PAGE2B: variants seen among roughly 807,000 people sequenced by gnomAD.
PAGE2B encodes putative G antigen family E member 3.
Under a neutral mutation model 7.6 loss-of-function variants are expected in PAGE2B, and 5 were observed. The observed-to-expected ratio is 0.66, with a 90% confidence interval of 0.34 to 1.38. The LOEUF (loss-of-function observed/expected upper bound fraction) is 1.38. PAGE2B is among the 40% of genes most tolerant of loss of function. PAGE2B has a pLI of 0.04. For synonymous variants in PAGE2B, 29 were observed against 26.7 expected (o/e 1.09, Z -0.27); for missense variants, 70 against 78.4 (o/e 0.89, Z 0.41).
At chrX:55,053,875 G>T in the PAGE2B span, among the ~76,000 whole-genome samples, 4 of 112,088 alleles carry the variant, frequency 3.6e-5, no homozygotes, top group African/African-American at 1.3e-4. Flanking sequence ...AACCCAAATT[G>T]ACTAAATGGG....
chrX:55,043,297 G>A, the PAGE2B span, among the ~76,000 whole-genome samples: 2 of 111,772 alleles, frequency 1.8e-5, no homozygotes, highest in African/African-American at 3.3e-5. Context: ...TCATGACCAA[G>A]TGCCCAAAAG....
At chrX:55,074,891 A>G (rs968192726), upstream of PAGE2B, among the ~76,000 whole-genome samples, 7 of 112,626 alleles carry the variant, frequency 6.2e-5, no homozygotes, top group Non-Finnish European at 1.3e-4. Flanking sequence ...GGTTCTCCAC[A>G]GACGCAGGAA....
the PAGE2B span, among the ~76,000 whole-genome samples, chrX:55,033,714 A>G: frequency 1.8e-5 from 2 of 112,147 alleles, no homozygotes; most frequent in African/African-American, 6.5e-5. Context: ...AACTATTCAG[A>G]CAATGTTTGA....
At chrX:55,053,443 A>G in the PAGE2B span, among the ~76,000 whole-genome samples, 1 of 111,931 alleles carries the variant, frequency 8.9e-6, no homozygotes, top group East Asian at 2.8e-4. Context: ...GTGATGGGTT[A>G]ATAGGTGCAG....
At chrX:55,051,852 T>G in the PAGE2B span, among the ~76,000 whole-genome samples, 1 of 112,412 alleles carries the variant, frequency 8.9e-6, no homozygotes, top group Non-Finnish European at 1.9e-5. Context: ...TTGCTGGTGA[T>G]GAGCTGCGTT....
At chrX:55,043,968 A>AAATAATAATAAT in the PAGE2B span, among the ~76,000 whole-genome samples, 2,938 of 102,649 alleles carry the variant, frequency 0.029, 148 homozygotes, top group African/African-American at 0.095. Context: ...CTCTGTCTCT[A>AAATAATAATAAT]AATAATAATA....
chrX:55,075,206 C>G (rs984754120), intron 1 of PAGE2B, 92 bp downstream of exon 1: 1 of 134,249 alleles, frequency 7.4e-6, no homozygotes, highest in African/African-American at 3.2e-5. Context: ...CGGCACAGTC[C>G]GTGGCTTCCG....
chrX:55,065,552 A>T, the PAGE2B span, among the ~76,000 whole-genome samples: 1 of 111,624 alleles, frequency 9.0e-6, no homozygotes, highest in Non-Finnish European at 1.9e-5. Context: ...GTTATTATTG[A>T]TAAGTAAGAT....
the PAGE2B span, among the ~76,000 whole-genome samples, chrX:55,060,664 T>G: frequency 1.8e-5 from 2 of 111,762 alleles, no homozygotes; most frequent in Non-Finnish European, 3.8e-5. Context: ...TGCCTATGCT[T>G]TTGGGGTAAT....
At chrX:55,037,673 C>T in the PAGE2B span, among the ~76,000 whole-genome samples, 622 of 110,531 alleles carry the variant, frequency 5.6e-3, 5 homozygotes, top group African/African-American at 0.019. Flanking sequence ...CAATGATAGA[C>T]TGGATGAAGA....
At chrX:55,051,382 T>G in the PAGE2B span, among the ~76,000 whole-genome samples, 1 of 111,989 alleles carries the variant, frequency 8.9e-6, no homozygotes, top group African/African-American at 3.2e-5. Context: ...GAAGTTCTCC[T>G]GGATAATATC....
chrX:55,049,793 G>A, the PAGE2B span, among the ~76,000 whole-genome samples: 4 of 111,039 alleles, frequency 3.6e-5, no homozygotes, highest in Non-Finnish European at 5.7e-5. Context: ...AGGGTTTTTT[G>A]TGTCTCTATC....
chrX:55,058,166 ATAAT>A, the PAGE2B span, among the ~76,000 whole-genome samples: 1 of 110,948 alleles, frequency 9.0e-6, no homozygotes, highest in Non-Finnish European at 1.9e-5. Context: ...CTCGGTTGTA[ATAAT>A]TGATCTCCAC....
At chrX:55,065,573 C>T in the PAGE2B span, among the ~76,000 whole-genome samples, 2 of 111,354 alleles carry the variant, frequency 1.8e-5, no homozygotes, top group Non-Finnish European at 3.8e-5. Flanking sequence ...CTTACTCCTG[C>T]CATTTTGTTT....
the PAGE2B span, among the ~76,000 whole-genome samples, chrX:55,065,704 A>G: frequency 8.1e-4 from 90 of 110,891 alleles, no homozygotes; most frequent in African/African-American, 2.8e-3. Context: ...TTTTTTGTGT[A>G]TCCATTATAT....
the PAGE2B span, among the ~76,000 whole-genome samples, chrX:55,041,573 T>C: frequency 8.9e-6 from 1 of 111,936 alleles, no homozygotes; most frequent in Non-Finnish European, 1.9e-5. Context: ...CCAACTGAAT[T>C]GTTTTGTAGC....
chrX:55,042,723 A>T, the PAGE2B span, among the ~76,000 whole-genome samples: 2 of 105,316 alleles, frequency 1.9e-5, no homozygotes, highest in African/African-American at 6.9e-5. Flanking sequence ...GAAACACATC[A>T]CATGCTTATG....
upstream of PAGE2B, among the ~76,000 whole-genome samples, chrX:55,074,285 A>C (rs1192990716): frequency 2.9e-4 from 32 of 112,258 alleles, no homozygotes; most frequent in African/African-American, 9.1e-4. Context: ...TCTGAAGTTC[A>C]TCTGAAAGAC....
At chrX:55,069,512 T>C in the PAGE2B span, among the ~76,000 whole-genome samples, 1 of 110,410 alleles carries the variant, frequency 9.1e-6, no homozygotes, top group African/African-American at 3.3e-5. Context: ...CTCTTTTTTT[T>C]TTGTTTCTCT....
Sources: allele counts gnomAD v4.1 joint callset (sites outside exome capture counted in the v4.1 genomes callset), GRCh38; gene constraint gnomAD v4.1.1; transcripts MANE v1.5; gene names NCBI Gene and HGNC (gene_info 2026-07-23, HGNC 2026-07-21).